Variants in TENM4 observed in about 807,000 individuals in gnomAD.
TENM4 encodes the protein teneurin transmembrane protein 4, also known as teneurin-4.
Under a neutral mutation model 243.3 loss-of-function variants are expected in TENM4, and 82 were observed. The ratio of observed to expected loss-of-function variants is 0.34; its 90% CI spans 0.28 to 0.40. The LOEUF is 0.40. Among genes scored for constraint, TENM4 ranks in the 10% least tolerant of loss-of-function variants. TENM4 has a pLI of 1.00. For missense variants in TENM4, 3,138 were observed against 3,673.3 expected, an observed-to-expected ratio of 0.85 and a Z score of 3.77; for synonymous variants, 1,412 against 1,456.3, an observed-to-expected ratio of 0.97 and a Z score of 0.69.
intron 4 of TENM4, among the ~76,000 whole-genome samples, chr11:79,104,843 G>C (rs1861324641): frequency 6.6e-6 from 1 of 152,212 alleles, no homozygotes; most frequent in South Asian, 2.1e-4. Context: ...CAAGGGGGTT[G>C]AGAAGGAGAT....
At chr11:78,868,530 G>A (rs1025394143) in intron 9 of TENM4, among the ~76,000 whole-genome samples, 2 of 152,142 alleles carry the variant, frequency 1.3e-5, no homozygotes, top group South Asian at 2.1e-4. Flanking sequence ...CATTTTCCCC[G>A]TCGCCTTTTC....
chr11:79,255,902 G>C (rs1855693420), intron 2 of TENM4, among the ~76,000 whole-genome samples: 2 of 152,200 alleles, frequency 1.3e-5, no homozygotes, highest in African/African-American at 2.4e-5. Context: ...TGTCAGAGCA[G>C]AGCTGGGCTG....
intron 6 of TENM4, among the ~76,000 whole-genome samples, chr11:79,046,441 A>T (rs1211454626): frequency 6.6e-6 from 1 of 150,490 alleles, no homozygotes; most frequent in Admixed American, 6.6e-5. Flanking sequence ...TTATGGGATG[A>T]ACTCTCCCCC....
At chr11:78,875,407 T>C (rs566560534) in intron 9 of TENM4, among the ~76,000 whole-genome samples, 1 of 152,270 alleles carries the variant, frequency 6.6e-6, no homozygotes, top group East Asian at 1.9e-4. Flanking sequence ...TTCCAACATG[T>C]TGGCCAGGCT....
chr11:78,710,930 A>T (rs671904), intron 26 of TENM4, among the ~76,000 whole-genome samples: 6,438 of 152,260 alleles, frequency 0.042, 291 homozygotes, highest in African/African-American at 0.12. Context: ...CTTAGAAAAA[A>T]CTGTTTTAAA....
chr11:79,026,542 G>A (rs995116425), intron 6 of TENM4, among the ~76,000 whole-genome samples: 15 of 152,350 alleles, frequency 9.8e-5, no homozygotes, highest in African/African-American at 3.6e-4. Context: ...ACTTTGGAGA[G>A]ATCAGACGTC....
At chr11:79,203,687 C>T (rs1160613463) in intron 3 of TENM4, among the ~76,000 whole-genome samples, 6 of 152,182 alleles carry the variant, frequency 3.9e-5, no homozygotes, top group Non-Finnish European at 8.8e-5. Context: ...CTTCAACTCC[C>T]TCATATAAAG....
intron 1 of TENM4, among the ~76,000 whole-genome samples, chr11:79,337,735 A>C (rs374768028): frequency 6.0e-4 from 91 of 152,254 alleles, no homozygotes; most frequent in African/African-American, 2.1e-3. Flanking sequence ...GCTACATTGG[A>C]GTTCTCACCT....
intron 28 of TENM4, among the ~76,000 whole-genome samples, chr11:78,699,100 T>C (rs1213202996): frequency 6.6e-6 from 1 of 152,174 alleles, no homozygotes; most frequent in African/African-American, 2.4e-5. Context: ...CTTCTGCAAT[T>C]ACTGGTACTG....
At chr11:79,303,377 A>T (rs1466016046) in intron 1 of TENM4, among the ~76,000 whole-genome samples, 1 of 152,194 alleles carries the variant, frequency 6.6e-6, no homozygotes, top group Admixed American at 6.5e-5. Context: ...GGGGATAGTA[A>T]AAGTACCTAC....
At chr11:79,046,356 C>T (rs1859657237) in intron 6 of TENM4, among the ~76,000 whole-genome samples, 1 of 152,072 alleles carries the variant, frequency 6.6e-6, no homozygotes. Flanking sequence ...ATTTAAGACC[C>T]AGGCTTCTGA....
chr11:78,953,687 G>A (rs1857152162), intron 6 of TENM4, among the ~76,000 whole-genome samples: 1 of 152,162 alleles, frequency 6.6e-6, no homozygotes, highest in South Asian at 2.1e-4. Flanking sequence ...GTAATATAGA[G>A]ATGATTAAAT....
intron 4 of TENM4, among the ~76,000 whole-genome samples, chr11:79,073,600 C>T (rs940911075): frequency 3.3e-5 from 5 of 152,266 alleles, no homozygotes; most frequent in East Asian, 1.9e-4. Flanking sequence ...GAATTAGAGG[C>T]GTTGCTCACA....
chr11:78,940,745 C>A (rs1176514683), intron 6 of TENM4, among the ~76,000 whole-genome samples: 1 of 152,182 alleles, frequency 6.6e-6, no homozygotes, highest in Non-Finnish European at 1.5e-5. Context: ...GGGCAGGTCA[C>A]CCTGGGGATG....
At chr11:78,745,676 T>C (rs1856034609) in intron 19 of TENM4, among the ~76,000 whole-genome samples, 1 of 152,256 alleles carries the variant, frequency 6.6e-6, no homozygotes, top group Admixed American at 6.5e-5. Flanking sequence ...TCTTGCTTTC[T>C]TATTTCTTAA....
intron 1 of TENM4, among the ~76,000 whole-genome samples, chr11:79,367,106 C>A (rs2135502412): frequency 6.6e-6 from 1 of 152,332 alleles, no homozygotes; most frequent in Non-Finnish European, 1.5e-5. Context: ...TACAAATTGG[C>A]TGGATCACTT....
intron 10 of TENM4, among the ~76,000 whole-genome samples, chr11:78,856,619 C>T (rs1858687405): frequency 6.6e-6 from 1 of 151,494 alleles, no homozygotes; most frequent in African/African-American, 2.4e-5. Flanking sequence ...AGTCCCCCAG[C>T]AGTGGGAAGC....
intron 6 of TENM4, among the ~76,000 whole-genome samples, chr11:78,994,233 C>T (rs1395693563): frequency 2.0e-5 from 3 of 152,162 alleles, no homozygotes; most frequent in African/African-American, 4.8e-5. Flanking sequence ...CATGCAGCTG[C>T]TTGGTAGTTG....
At chr11:79,363,345 T>G (rs1857622874) in intron 1 of TENM4, among the ~76,000 whole-genome samples, 1 of 152,238 alleles carries the variant, frequency 6.6e-6, no homozygotes, top group African/African-American at 2.4e-5. Context: ...AACTCATCCT[T>G]GGGAGGTTTT....
Sources: allele counts gnomAD v4.1 joint callset (sites outside exome capture counted in the v4.1 genomes callset), GRCh38; gene constraint gnomAD v4.1.1; transcripts MANE v1.5; gene names NCBI Gene and HGNC (gene_info 2026-07-23, HGNC 2026-07-21).